MALRD1: variants seen among roughly 807,000 people sequenced by gnomAD.
MALRD1 encodes the protein MAM and LDL receptor class A domain containing 1.
Under a neutral mutation model 242.1 loss-of-function variants are expected in MALRD1, and 247 were observed. That is an observed-to-expected ratio of 1.02 (90% CI 0.92 to 1.13). The LOEUF (loss-of-function observed/expected upper bound fraction) is 1.13, where lower values mean the gene tolerates loss of function less well. MALRD1 is among the 50% of genes most tolerant of loss of function. MALRD1 has a pLI of 0.00. For missense variants in MALRD1, 2,989 were observed against 2,533.1 expected, an observed-to-expected ratio of 1.18 and a Z score of -3.86; for synonymous variants, 995 against 866.6, an observed-to-expected ratio of 1.15 and a Z score of -2.60.
intron 36 of MALRD1, among the ~76,000 whole-genome samples, chr10:19,632,642 CTA>C (rs1329405097): frequency 1.3e-5 from 2 of 151,982 alleles, no homozygotes; most frequent in African/African-American, 4.8e-5. Flanking sequence ...AGAAACAAAT[CTA>C]TGTTTCTCCC....
At chr10:19,103,522 G>A (rs896076414) in intron 4 of MALRD1, among the ~76,000 whole-genome samples, 13 of 147,552 alleles carry the variant, frequency 8.8e-5, no homozygotes, top group East Asian at 8.1e-4. Context: ...ACTGCACTCC[G>A]GCCTGGGTGA....
At chr10:19,230,206 G>A (rs1837989537) in intron 18 of MALRD1, among the ~76,000 whole-genome samples, 1 of 152,028 alleles carries the variant, frequency 6.6e-6, no homozygotes, top group African/African-American at 2.4e-5. Context: ...ACCCAGTCTT[G>A]GGTATGTCTT....
chr10:19,160,583 A>C (rs537200064), intron 12 of MALRD1, among the ~76,000 whole-genome samples: 33 of 18,830 alleles, frequency 1.8e-3, no homozygotes, highest in Non-Finnish European at 3.2e-3. Flanking sequence ...CTGTGAATCC[A>C]TCTGGTCCTG....
intron 13 of MALRD1, among the ~76,000 whole-genome samples, 175 bp downstream of exon 13, chr10:19,165,985 C>T (rs995540701): frequency 6.6e-6 from 1 of 151,054 alleles, no homozygotes; most frequent in Non-Finnish European, 1.5e-5. Flanking sequence ...AACAAAATAA[C>T]ACCATAGCTC....
At chr10:19,657,512 G>C (rs1198366158) in intron 36 of MALRD1, among the ~76,000 whole-genome samples, 1 of 151,834 alleles carries the variant, frequency 6.6e-6, no homozygotes, top group African/African-American at 2.4e-5. Context: ...TACAAAGACA[G>C]TAAATTACAG....
At chr10:19,167,785 A>C (rs990443176) in intron 13 of MALRD1, among the ~76,000 whole-genome samples, 1 of 152,192 alleles carries the variant, frequency 6.6e-6, no homozygotes, top group Non-Finnish European at 1.5e-5. Flanking sequence ...CTAACTTCAC[A>C]GTCAGATAAA....
chr10:19,337,782 A>C (rs570278520), intron 24 of MALRD1, among the ~76,000 whole-genome samples: 5 of 152,136 alleles, frequency 3.3e-5, no homozygotes, highest in African/African-American at 7.2e-5. Context: ...ACAGTTATCA[A>C]CTGGGTGCGG....
intron 36 of MALRD1, among the ~76,000 whole-genome samples, chr10:19,677,139 T>C (rs1842170597): frequency 6.6e-6 from 1 of 152,240 alleles, no homozygotes; most frequent in South Asian, 2.1e-4. Context: ...TGAGCCCGTA[T>C]CTTTATAATA....
chr10:19,466,000 A>C (rs1765563527), intron 29 of MALRD1, among the ~76,000 whole-genome samples: 1 of 152,232 alleles, frequency 6.6e-6, no homozygotes, highest in Non-Finnish European at 1.5e-5. Context: ...CAGTTTTTTA[A>C]ATAGAAAAAT....
At chr10:19,088,238 T>C (rs1835742231) in intron 4 of MALRD1, 53 bp downstream of exon 4, 5 of 1,215,930 alleles carry the variant, frequency 4.1e-6, no homozygotes, top group African/African-American at 1.6e-5. Flanking sequence ...AAGATACAGA[T>C]CTTTAACACC....
chr10:19,330,206 T>C lies in MALRD1; in HGVS notation c.3688-1163T>C, dbSNP rs529249848. ...TACTATGAAGAGCAGTCTATTCCTT[T>C]TACATGAAGTCAATATATGAACACA... is the stretch of plus-strand genomic sequence containing the variant. On this transcript the variant is annotated intron_variant, in intron 23 of 39. Transcript: ENST00000454679. Among the ~76,000 whole-genome samples the C allele has an allele frequency of 8.5e-5, 13 of 152,176 alleles. No individual in the cohort carries two copies. In the South Asian group the frequency reaches 2.3e-3, roughly 27 times the overall value.
intron 18 of MALRD1, among the ~76,000 whole-genome samples, chr10:19,251,037 G>A (rs902275445): frequency 6.6e-6 from 1 of 151,914 alleles, no homozygotes; most frequent in African/African-American, 2.4e-5. Flanking sequence ...CGGCAGGTGG[G>A]TAGTTGAATC....
chr10:19,165,265 A>ATATATATATATATATATATTTTTTTTTT, intron 12 of MALRD1, among the ~76,000 whole-genome samples: 1 of 130,304 alleles, frequency 7.7e-6, no homozygotes, highest in African/African-American at 3.2e-5. Flanking sequence ...ATATATATAT[A>ATATATATATATATATATATTTTTTTTTT]TTTTGTTTTG....
chr10:19,676,147 T>C (rs564652621), intron 36 of MALRD1, among the ~76,000 whole-genome samples: 14 of 152,268 alleles, frequency 9.2e-5, no homozygotes, highest in African/African-American at 3.1e-4. Context: ...GAGATGAAAC[T>C]AGCTGTGCCA....
intron 14 of MALRD1, among the ~76,000 whole-genome samples, chr10:19,185,926 T>G (rs1835720610): frequency 6.6e-6 from 1 of 152,050 alleles, no homozygotes; most frequent in South Asian, 2.1e-4. Context: ...AGATTGGAGA[T>G]ACTTCATCTT....
At chr10:19,392,448 A>G (rs1195496141) in intron 28 of MALRD1, among the ~76,000 whole-genome samples, 1 of 152,200 alleles carries the variant, frequency 6.6e-6, no homozygotes, top group Non-Finnish European at 1.5e-5. Flanking sequence ...TTTAGAAAAA[A>G]ACAAAATGAA....
At chr10:19,098,688 C>T (rs1326522768) in intron 4 of MALRD1, among the ~76,000 whole-genome samples, 3 of 152,072 alleles carry the variant, frequency 2.0e-5, no homozygotes, top group African/African-American at 7.2e-5. Context: ...GAAGCAGCCT[C>T]GTTGTCTGGG....
intron 38 of MALRD1, among the ~76,000 whole-genome samples, chr10:19,697,104 G>GAAA (rs1401026516): frequency 6.6e-6 from 1 of 152,008 alleles, no homozygotes; most frequent in Non-Finnish European, 1.5e-5. Context: ...GGCTTCTCCA[G>GAAA]AAAAACACAC....
chr10:19,556,452 C>G (rs1053060454), intron 32 of MALRD1, among the ~76,000 whole-genome samples: 1 of 152,052 alleles, frequency 6.6e-6, no homozygotes, highest in Admixed American at 6.6e-5. Flanking sequence ...CCCCCAAAAC[C>G]CTTTTTTTTA....
Sources: gnomAD v4.1 joint callset for allele counts (sites outside exome capture counted in the v4.1 genomes callset) on GRCh38, gnomAD v4.1.1 for gene constraint, MANE v1.5 for transcripts, NCBI Gene and HGNC (gene_info 2026-07-23, HGNC 2026-07-21) for gene names.